Variants in DHX40 observed in about 807,000 individuals in gnomAD.
The protein encoded by DHX40 is DEAH-box helicase 40.
A neutral mutation model predicts 89.6 loss-of-function variants in DHX40; 28 were observed. The ratio of observed to expected loss-of-function variants is 0.31; its 90% CI spans 0.23 to 0.43. The LOEUF (loss-of-function observed/expected upper bound fraction) is 0.43, where lower values mean the gene tolerates loss of function less well. DHX40 is among the 20% of genes least tolerant of loss of function. DHX40 has a pLI of 1.00. For missense variants in DHX40, 457 were observed against 844.0 expected (o/e 0.54, Z 5.68); for synonymous variants, 226 against 283.6 (o/e 0.80, Z 2.04).
chr17:59,568,240 TAAAAA>T lies in DHX40; in HGVS notation c.280+1447_280+1451del, dbSNP rs529268626. Among the ~76,000 whole-genome samples, 399 of 152,212 alleles carry T rather than the reference TAAAAA, an allele frequency of 2.6e-3. 1 individual carries two copies. Among genetic ancestry groups the T allele is most frequent in the African/African-American group, 8.6e-3 (356 of 41,544 alleles). On this transcript the variant is annotated intron_variant, in intron 2 of 17. Coordinates refer to ENST00000251241, the MANE Select transcript of DHX40 (RefSeq NM_024612.5). Reference sequence around the variant, plus strand: ...GAGACTCTGTGTCAAAAAAAATAAATAAAAATAAAATAAATTTGTTGTAATTTTGT... The same window carrying T: ...GAGACTCTGTGTCAAAAAAAATAAATTAAAATAAATTTGTTGTAATTTTGT...
chr17:59,605,063 A>G (rs1247926564), intron 15 of DHX40, 52 bp from the exon 16 acceptor site: 61 of 1,450,496 alleles, frequency 4.2e-5, no homozygotes, highest in Non-Finnish European at 3.9e-6. Context: ...TGCTCCATTT[A>G]CTTCATTGCT....
At chr17:59,571,010 T>C (rs1291940382) in intron 3 of DHX40, among the ~76,000 whole-genome samples, 1 of 152,244 alleles carries the variant, frequency 6.6e-6, no homozygotes, top group East Asian at 1.9e-4. Context: ...AGTTTATAAA[T>C]GACAGTTTAT....
chr17:59,572,048 C>T (rs1033440036), intron 3 of DHX40, among the ~76,000 whole-genome samples: 1 of 152,212 alleles, frequency 6.6e-6, no homozygotes, highest in African/African-American at 2.4e-5. Context: ...TTAACAAAAT[C>T]AGCCAATTAA....
intron 1 of DHX40, 99 bp from the exon 2 acceptor site, chr17:59,566,528 G>A: frequency 8.4e-7 from 1 of 1,191,192 alleles, no homozygotes; most frequent in Non-Finnish European, 1.2e-6. Context: ...ATCCCGTCCA[G>A]CCCTAAAATT....
intron 3 of DHX40, among the ~76,000 whole-genome samples, chr17:59,572,443 A>T (rs2048823499): frequency 6.6e-6 from 1 of 152,112 alleles, no homozygotes; most frequent in Non-Finnish European, 1.5e-5. Flanking sequence ...CAATGGCGTG[A>T]TCTCAGCTCA....
Position 59,606,892 on chromosome 17 carries a change from T to C in DHX40, c.2201-141T>C, listed in dbSNP as rs1175077157. 3 of 843,902 alleles carry C rather than the reference T, an allele frequency of 3.6e-6. No homozygotes were observed. In the African/African-American group the frequency reaches 5.2e-5, roughly 15 times the overall value. 52.3% of individuals were successfully genotyped at this position (843,902 alleles called of 1,614,324 possible). On this transcript the variant is annotated intron_variant, in intron 17 of 17. Transcript: ENST00000251241. Reference sequence around the variant, plus strand: ...TTTTGTAACCATAGACTACATTGCTTTTGAAAGGGCAAAATTTAATTTTTC... The same window carrying C: ...TTTTGTAACCATAGACTACATTGCTCTTGAAAGGGCAAAATTTAATTTTTC...
chr17:59,583,805 G>A (rs945669033), intron 10 of DHX40, among the ~76,000 whole-genome samples: 2 of 100,184 alleles, frequency 2.0e-5, no homozygotes, highest in African/African-American at 6.4e-5. Context: ...GCGTGAACCC[G>A]GGAGGCGGAG....
chr17:59,587,997 A>T lies in DHX40; in HGVS notation c.1526A>T (p.Asp509Val). Residue 509 changes from aspartate to valine, a missense_variant, in exon 12 of 18, where the codon GAT becomes GTT. Asp to Val is a radical substitution (Grantham distance 152). Around this residue, in one of 9 missense-constraint regions of DHX40, gnomAD observed 19 missense variants for 24.2 expected, o/e 0.78. Coordinates refer to ENST00000251241, the MANE Select transcript of DHX40 (RefSeq NM_024612.5). Reference protein sequence around the residue: ...VIKAASLDCEDLLLPIAAMLS... With the variant: ...VIKAASLDCEVLLLPIAAMLS... ...AAAGCTGCTTCCCTGGATTGTGAAG[A>T]TCTACTACTTCCAATAGCAGCAATG... is the stretch of plus-strand genomic sequence containing the variant. 6.2e-7 allele frequency: 1 copy of T among 1,613,768 alleles called. No individual in the cohort carries two copies. The highest frequency in any genetic ancestry group is 2.2e-5 in the East Asian group (1 of 44,864).
At position 59,570,566 on chromosome 17, in the gene DHX40, C is replaced by G; in HGVS notation, c.329C>G (p.Ala110Gly). The change falls in exon 3 of 18, where the codon GCT (alanine) becomes GGT (glycine). Residue 110 changes from alanine to glycine, a missense_variant. By Grantham distance (60) the Ala-to-Gly change is moderately conservative. Transcript: ENST00000251241. ...MIGVTQPRKVAAISVAQRVAE... is the reference protein window; with the variant it reads ...MIGVTQPRKVGAISVAQRVAE... The stretch of plus-strand genomic sequence containing the variant: ...GGTGTAACTCAACCACGAAAAGTAG[C>G]TGCTATATCAGTTGCTCAGAGAGTA... The G allele has an allele frequency of 6.2e-7, 1 of 1,608,590 alleles. No individual in the cohort carries two copies. The highest frequency in any genetic ancestry group is 8.5e-7 in the Non-Finnish European group (1 of 1,177,558).
At chr17:59,587,652 T>G (rs2049018407) in intron 11 of DHX40, among the ~76,000 whole-genome samples, 1 of 151,844 alleles carries the variant, frequency 6.6e-6, no homozygotes, top group African/African-American at 2.4e-5. Context: ...GAAACGGGGT[T>G]TTGCCATGTT....
intron 15 of DHX40, 29 bp from the exon 16 acceptor site, chr17:59,605,086 T>A: frequency 6.3e-7 from 1 of 1,598,838 alleles, no homozygotes; most frequent in Non-Finnish European, 8.6e-7. Flanking sequence ...ACTGTTGTAG[T>A]CTTTATCATT....
chr17:59,578,179 TTGTC>T (rs2048911450), intron 8 of DHX40, among the ~76,000 whole-genome samples: 1 of 146,482 alleles, frequency 6.8e-6, no homozygotes. Context: ...CTAAGTCTGA[TTGTC>T]TGTCTCCGGA....
At chr17:59,588,798 A>G (rs1320968976) in intron 12 of DHX40, among the ~76,000 whole-genome samples, 3 of 152,134 alleles carry the variant, frequency 2.0e-5, no homozygotes, top group Non-Finnish European at 4.4e-5. Context: ...TACCTTATCA[A>G]TTATTTCTTT....
intron 14 of DHX40, among the ~76,000 whole-genome samples, chr17:59,602,173 C>T (rs979847126): frequency 1.3e-5 from 2 of 152,142 alleles, no homozygotes; most frequent in Non-Finnish European, 2.9e-5. Flanking sequence ...TCTTCCTGGA[C>T]TCCCAGCTTT....
At chr17:59,605,280 T>A (rs1340906432) in intron 16 of DHX40, 96 bp downstream of exon 16, 1 of 1,345,932 alleles carries the variant, frequency 7.4e-7, no homozygotes. Flanking sequence ...GGAGTTAAAT[T>A]TACATATATC....
chr17:59,592,685 G>A (rs1598166161), intron 12 of DHX40, among the ~76,000 whole-genome samples: 1 of 127,460 alleles, frequency 7.8e-6, no homozygotes, highest in African/African-American at 3.2e-5. Flanking sequence ...TCAAGCAGTT[G>A]TCCTGCCTCA....
intron 16 of DHX40, 26 bp from the exon 17 acceptor site, chr17:59,605,420 A>T: frequency 6.3e-7 from 1 of 1,594,818 alleles, no homozygotes; most frequent in African/African-American, 1.3e-5. Context: ...TTGAGTTACC[A>T]TCATTAAAAG....
At chr17:59,573,511 T>G (rs1000935457) in intron 4 of DHX40, among the ~76,000 whole-genome samples, 23 of 152,104 alleles carry the variant, frequency 1.5e-4, no homozygotes, top group African/African-American at 4.8e-4. Context: ...TAAGAATATT[T>G]TTTGTAGAGA....
Position 59,570,620 on chromosome 17 carries a change from C to G in DHX40, c.383C>G (p.Ser128Cys), listed in dbSNP as rs1310702257. 2 of 1,608,700 alleles carry G rather than the reference C, an allele frequency of 1.2e-6. No homozygotes were observed. Among genetic ancestry groups the G allele is most frequent in the African/African-American group, 2.7e-5 (2 of 74,464 alleles). The change falls in exon 3 of 18, where the codon TCC (serine) becomes TGC (cysteine). Residue 128 changes from serine (S) to cysteine (C), a missense_variant. Transcript: ENST00000251241. ...GAAGAAATGAAATGCACTTTGGGATCCAAAGTAGGATACCAAGTTCGTTTT... is the reference window on the plus strand; with the variant it reads ...GAAGAAATGAAATGCACTTTGGGATGCAAAGTAGGATACCAAGTTCGTTTT... ...VAEEMKCTLGSKVGYQVRFDD... is the reference protein window; with the variant it reads ...VAEEMKCTLGCKVGYQVRFDD...
Sources: gnomAD v4.1 joint callset for allele counts (sites outside exome capture counted in the v4.1 genomes callset) on GRCh38, gnomAD v4.1.1 for gene constraint, gnomAD v4.1.1 regional missense constraint, MANE v1.5 for transcripts, NCBI Gene and HGNC (gene_info 2026-07-23, HGNC 2026-07-21) for gene names.